WDFY4: variants seen among roughly 807,000 people sequenced by gnomAD.
WDFY4 encodes the protein WD repeat- and FYVE domain-containing protein 4.
WDFY4 carries 169 observed loss-of-function variants against 351.9 expected under a neutral mutation model. That is an observed-to-expected ratio of 0.48 (90% CI 0.42 to 0.55). WDFY4 has a LOEUF of 0.55. WDFY4 is among the 20% of genes least tolerant of loss of function. WDFY4 has a pLI of 0.00. For synonymous variants in WDFY4, 1,622 were observed against 1,574.6 expected, an observed-to-expected ratio of 1.03 and a Z score of -0.71; for missense variants, 3,803 against 3,935.6, an observed-to-expected ratio of 0.97 and a Z score of 0.90.
In WDFY4 at chr10:48,731,295, C is replaced by T. The variant is rs2064451373; in HGVS notation, c.1315C>T (p.Leu439=). The T allele has an allele frequency of 6.4e-7, 1 of 1,551,930 alleles. No individual in the cohort carries two copies. Among genetic ancestry groups the T allele is most frequent in the South Asian group, 1.2e-5 (1 of 84,064 alleles). The stretch of plus-strand genomic sequence containing the variant: ...CTCGCAGTTTGTAGAGATCATGCCC[C>T]TGAAGCCGGCCCCAGTGCAGGAACA... ...PISQFVEIMP[L]KPAPVQEHFF... is the part of the protein sequence containing the mutation. The change falls in exon 9 of 62, where the codon CTG becomes TTG. Residue 439 remains leucine, a synonymous_variant. Coordinates refer to ENST00000325239, the MANE Select transcript of WDFY4 (RefSeq NM_001394531.1).
intron 33 of WDFY4, among the ~76,000 whole-genome samples, 194 bp from the exon 34 acceptor site, chr10:48,820,868 C>G (rs1378535808): frequency 6.6e-6 from 1 of 152,154 alleles, no homozygotes; most frequent in Non-Finnish European, 1.5e-5. Context: ...TCCTTACCCT[C>G]GGAAGTGGGC....
chr10:48,806,895 G>C (rs923684558), intron 27 of WDFY4, among the ~76,000 whole-genome samples: 5 of 152,322 alleles, frequency 3.3e-5, no homozygotes, highest in Admixed American at 2.0e-4. Context: ...AGCTACCTGA[G>C]GCTAGCGGCT....
intron 44 of WDFY4, among the ~76,000 whole-genome samples, chr10:48,892,371 G>T (rs996834297): frequency 6.6e-6 from 1 of 152,214 alleles, no homozygotes; most frequent in African/African-American, 2.4e-5. Context: ...TGCAATGACA[G>T]ACAAGGGAGA....
rs569573759 is a variant in WDFY4, at chr10:48,829,744, C to T, written c.6340+848C>T. Among the ~76,000 whole-genome samples, 6 of 152,182 alleles carry T rather than the reference C, an allele frequency of 3.9e-5. No homozygotes were observed. In the South Asian group the frequency reaches 8.3e-4, roughly 21 times the overall value. The stretch of plus-strand genomic sequence containing the variant: ...GCGGGCACCTGTAATCCCAGCTACT[C>T]GGGAGGCTGAGGCAGGAAAATCACT... On this transcript the variant is annotated intron_variant, in intron 37 of 61. Transcript: ENST00000325239.
Position 48,786,627 on chromosome 10 carries a change from T to A in WDFY4, c.3577-12T>A. 6.5e-7 allele frequency: 1 copy of A among 1,546,114 alleles called. No homozygotes were observed. The highest frequency in any genetic ancestry group is 2.0e-5 in the Admixed American group (1 of 50,294). ...CAAACACTACTCACTCTTGTCCTTT[T>A]TATTTTAACAGATGTTATACATCCA... On this transcript the variant is annotated splice_polypyrimidine_tract_variant and intron_variant, in intron 19 of 61. Coordinates refer to ENST00000325239, the MANE Select transcript of WDFY4 (RefSeq NM_001394531.1).
chr10:48,876,711 A>G (rs2663034), intron 42 of WDFY4, among the ~76,000 whole-genome samples: 70,268 of 152,164 alleles, frequency 0.46, 18,374 homozygotes, highest in East Asian at 0.71. Flanking sequence ...TGGGCCTCTG[A>G]GGAGTTGCTT....
At chr10:48,727,349 T>G (rs923437200) in intron 6 of WDFY4, 121 bp from the exon 7 acceptor site, 1 of 1,055,832 alleles carries the variant, frequency 9.5e-7, no homozygotes, top group Admixed American at 2.7e-5. Flanking sequence ...CAGAACATGT[T>G]TTGGATTAAT....
Position 48,709,778 on chromosome 10 carries a change from C to A in WDFY4, c.46C>A (p.Pro16Thr), listed in dbSNP as rs1182900202. ...LSKAEDRNED[P>T]GSKNEGQLAA... is the part of the protein sequence containing the mutation. ...AAAGGCTGAAGACAGAAATGAAGAC[C>A]CAGGTTCCAAAAATGAAGGGCAGCT... Residue 16 changes from proline to threonine, a missense_variant, in exon 2 of 62, where the codon CCA (proline) becomes ACA (threonine). By Grantham distance (38) the Pro-to-Thr change is conservative. Coordinates refer to ENST00000325239, the MANE Select transcript of WDFY4 (RefSeq NM_001394531.1). 1 of 1,551,932 alleles carries A rather than the reference C, an allele frequency of 6.4e-7. No individual in the cohort carries two copies.
At chr10:48,885,133 C>T (rs1206813461) in intron 43 of WDFY4, among the ~76,000 whole-genome samples, 1 of 152,072 alleles carries the variant, frequency 6.6e-6, no homozygotes, top group East Asian at 1.9e-4. Context: ...CTTCAGATCA[C>T]CTGCATCAGA....
At chr10:48,872,518 T>C (rs2069822350) in intron 40 of WDFY4, among the ~76,000 whole-genome samples, 1 of 152,262 alleles carries the variant, frequency 6.6e-6, no homozygotes, top group Non-Finnish European at 1.5e-5. Context: ...TTTCTGTTCA[T>C]GTTGTTATGC....
At chr10:48,942,744 T>C (rs1840844752) in intron 48 of WDFY4, among the ~76,000 whole-genome samples, 1 of 152,212 alleles carries the variant, frequency 6.6e-6, no homozygotes, top group Non-Finnish European at 1.5e-5. Flanking sequence ...TGTGTTGGAT[T>C]GCTCACTCAT....
At chr10:48,838,964 G>A (rs1260125856) in intron 39 of WDFY4, among the ~76,000 whole-genome samples, 1 of 152,170 alleles carries the variant, frequency 6.6e-6, no homozygotes, top group Non-Finnish European at 1.5e-5. Context: ...GAGGCTGAGG[G>A]CACGTTGAGC....
intron 20 of WDFY4, among the ~76,000 whole-genome samples, chr10:48,787,804 CTCCTCT>C (rs1275468295): frequency 0.018 from 1,238 of 70,702 alleles, 27 homozygotes; most frequent in South Asian, 0.032. Context: ...CCTCCTCCTC[CTCCTCT>C]TCTTCTTCTT....
At position 48,768,699 on chromosome 10, in the gene WDFY4, G is replaced by A. The variant is rs11814966; in HGVS notation, c.2554-5759G>A. ...AGTCACGGGTCGAGCAGCCACCCACGGTGTTGTGGGGGTGGGAGAGGAGAA... is the reference window on the plus strand; with the variant it reads ...AGTCACGGGTCGAGCAGCCACCCACAGTGTTGTGGGGGTGGGAGAGGAGAA... On this transcript the variant is annotated intron_variant, in intron 13 of 61. Coordinates refer to ENST00000325239, the MANE Select transcript of WDFY4 (RefSeq NM_001394531.1). Among the ~76,000 whole-genome samples the A allele has an allele frequency of 3.3e-3, 491 of 150,286 alleles. 5 individuals carry two copies. Among genetic ancestry groups the A allele is most frequent in the African/African-American group, 0.011 (462 of 40,410 alleles).
At chr10:48,752,532 ACTCATT>A (rs1370829121) in intron 12 of WDFY4, among the ~76,000 whole-genome samples, 1 of 152,176 alleles carries the variant, frequency 6.6e-6, no homozygotes, top group Non-Finnish European at 1.5e-5. Flanking sequence ...GAAAACCTAT[ACTCATT>A]CTCATTCTTT....
At chr10:48,692,735 G>C (rs928167182) in intron 1 of WDFY4, among the ~76,000 whole-genome samples, 5 of 152,316 alleles carry the variant, frequency 3.3e-5, no homozygotes, top group African/African-American at 1.2e-4. Context: ...TGCCAGCCAA[G>C]GGCTTTCACT....
At position 48,778,733 on chromosome 10, in the gene WDFY4, G is replaced by A. The variant is rs184936138; in HGVS notation, c.3298G>A (p.Ala1100Thr). ...CTTCCTGACGTTGGTGCGCCACCTG[G>A]CCAGGACTGAGCAACCCTTTGTTTG... is the stretch of plus-strand genomic sequence containing the variant. ...LRFLTLVRHL[A>T]RTEQPFVCFS... Residue 1100 changes from alanine (A) to threonine (T), a missense_variant, in exon 18 of 62, where the codon GCC (alanine) becomes ACC (threonine). Ala to Thr is a moderately conservative substitution (Grantham distance 58, BLOSUM62 0). Transcript: ENST00000325239. The A allele has an allele frequency of 3.4e-4, 527 of 1,551,586 alleles. No homozygotes were observed. Among genetic ancestry groups the A allele is most frequent in the Non-Finnish European group, 4.2e-4 (487 of 1,147,012 alleles).
At chr10:48,799,339 A>G (rs971471494) in intron 24 of WDFY4, among the ~76,000 whole-genome samples, 2 of 147,408 alleles carry the variant, frequency 1.4e-5, no homozygotes, top group African/African-American at 5.4e-5. Context: ...AGAGAATTTC[A>G]AAAAGGGAAA....
chr10:48,745,566 G>A (rs1237998942), intron 12 of WDFY4: 2 of 475,738 alleles, frequency 4.2e-6, no homozygotes, highest in African/African-American at 2.0e-5. Flanking sequence ...GGGCCTCTGT[G>A]TATTTGTCAG....
Sources: gnomAD v4.1 joint callset for allele counts (sites outside exome capture counted in the v4.1 genomes callset) on GRCh38, gnomAD v4.1.1 for gene constraint, MANE v1.5 for transcripts, NCBI Gene and HGNC (gene_info 2026-07-23, HGNC 2026-07-21) for gene names.